Variants in TXLNA observed in about 807,000 individuals in gnomAD.
TXLNA encodes the protein alpha-taxilin.
A neutral mutation model predicts 61.4 loss-of-function variants in TXLNA; 9 were observed. The observed-to-expected ratio is 0.15, with a 90% CI of 0.09 to 0.26. The LOEUF is 0.26. Ranked by LOEUF, TXLNA falls within the 10% of genes least tolerant of loss-of-function variation. TXLNA has a pLI of 1.00. For synonymous variants in TXLNA, 257 were observed against 267.7 expected (o/e 0.96, Z 0.39); for missense variants, 565 against 688.8 (o/e 0.82, Z 2.01).
At chr1:32,180,934 C>T (rs898128521) in intron 2 of TXLNA, among the ~76,000 whole-genome samples, 3 of 152,178 alleles carry the variant, frequency 2.0e-5, no homozygotes, top group African/African-American at 7.2e-5. Context: ...GCTTTACATA[C>T]TTTTATGATC....
chr1:32,190,759 T>C (rs1388739005), intron 6 of TXLNA, among the ~76,000 whole-genome samples: 3 of 152,152 alleles, frequency 2.0e-5, no homozygotes, highest in Non-Finnish European at 4.4e-5. Flanking sequence ...CTCCAGAGAC[T>C]GTGTCCACTG....
At chr1:32,182,979 A>G (rs1642699467) in intron 3 of TXLNA, among the ~76,000 whole-genome samples, 1 of 151,464 alleles carries the variant, frequency 6.6e-6, no homozygotes, top group South Asian at 2.1e-4. Context: ...AGGCAGGAGA[A>G]TCACTTGAAC....
chr1:32,189,413 C>T (rs1347619921), intron 5 of TXLNA, among the ~76,000 whole-genome samples: 1 of 152,174 alleles, frequency 6.6e-6, no homozygotes, highest in African/African-American at 2.4e-5. Context: ...AGCTTGGTCT[C>T]TGGGGGTACA....
chr1:32,186,141 G>C (rs1642785327), intron 4 of TXLNA, among the ~76,000 whole-genome samples: 1 of 152,236 alleles, frequency 6.6e-6, no homozygotes, highest in Non-Finnish European at 1.5e-5. Flanking sequence ...GTATAAGGAA[G>C]ATAAGCACCC....
Position 32,181,661 on chromosome 1 carries a change from G to C in TXLNA, c.505+84G>C, listed in dbSNP as rs894271044. ...TCTCTGGGCCAGTCTGTTCTGCCAG[G>C]ATTCAAAGGAAAACGGTACTTCTCA... On this transcript the variant is annotated intron_variant, in intron 3 of 10. Coordinates refer to ENST00000373610, the MANE Select transcript of TXLNA (RefSeq NM_175852.4). 7.7e-6 allele frequency: 10 copies of C among 1,293,996 alleles called. No individual in the cohort carries two copies. The East Asian group carries it at 2.5e-4, about 33-fold the overall frequency. The allele number at this position is 1,293,996 out of a possible 1,614,324, so 80.2% of individuals were successfully genotyped here.
At position 32,195,431 on chromosome 1, in the gene TXLNA, G is replaced by A. The variant is rs1438384742; in HGVS notation, c.*236G>A. On this transcript the variant is annotated 3_prime_UTR_variant, in exon 11 of 11. Coordinates refer to ENST00000373610, the MANE Select transcript of TXLNA (RefSeq NM_175852.4). ...TACAGTGGGCTTGCATTGGGGATGG[G>A]GGTGTGTACAGATGAAGTCAGTGGC... 16 of 582,170 alleles carry A rather than the reference G, an allele frequency of 2.7e-5. No homozygotes were observed. Among genetic ancestry groups the A allele is most frequent in the Non-Finnish European group, 4.9e-5 (16 of 327,764 alleles). The allele number at this position is 582,170 out of a possible 1,614,324, so 36.1% of individuals were successfully genotyped here. A position where few individuals can be genotyped will look rare whatever the true frequency, so the allele number is the denominator to read the frequency against.
Position 32,187,966 on chromosome 1 carries a change from CG to C in TXLNA, c.612del (p.Asn205IlefsTer6). ...KKYAELLEEHRNSQKQMKLLQ... is the reference protein window; with the variant it reads ...KKYAELLEEHXNSQKQMKLLQ... ...TCCCTGTCCCCAGCTGGAGGAGCAC[CG>C]GAATTCACAGAAGCAGATGAAGCTC... On this transcript the variant is annotated frameshift_variant, in exon 5 of 11. Transcript: ENST00000373610. LOFTEE classifies it high-confidence loss of function. 1 of 1,613,704 alleles carries C rather than the reference CG, an allele frequency of 6.2e-7. No homozygotes were observed. Among genetic ancestry groups the C allele is most frequent in the Non-Finnish European group, 8.5e-7 (1 of 1,179,794 alleles).
In TXLNA at chr1:32,188,064, G is replaced by A. The variant is rs781516038; in HGVS notation, c.708G>A (p.Leu236=). ...GCGGTGAGCACAGCAAGGCCGTCCT[G>A]GCCCGCAGCAAGCTTGAGAGCCTAT... The part of the protein sequence containing the change: ...HLRGEHSKAV[L]ARSKLESLCR... The change falls in exon 5 of 11, where the codon CTG becomes CTA. Residue 236 remains leucine, a synonymous_variant. Coordinates refer to ENST00000373610, the MANE Select transcript of TXLNA (RefSeq NM_175852.4). The A allele has an allele frequency of 1.3e-6, 2 of 1,594,904 alleles. No homozygotes were observed. The highest frequency in any genetic ancestry group is 1.7e-6 in the Non-Finnish European group (2 of 1,170,660).
At chr1:32,191,657 C>T (rs976417779) in intron 6 of TXLNA, among the ~76,000 whole-genome samples, 20 of 152,214 alleles carry the variant, frequency 1.3e-4, no homozygotes, top group African/African-American at 4.8e-4. Flanking sequence ...CAGACAGACA[C>T]AGGCACCCTC....
rs192785560 is a variant in TXLNA at position 32,196,207 on chromosome 1, G to A, written c.*1012G>A. On this transcript the variant is annotated 3_prime_UTR_variant, in exon 11 of 11. Transcript: ENST00000373610. ...AAAGGAAAGGGCTTCTGATGGCTTT[G>A]CCACAAGCTTACCTGTGGGTTTCAG... is the stretch of plus-strand genomic sequence containing the variant. The A allele has an allele frequency of 3.3e-3, 513 of 153,792 alleles. 5 individuals are homozygous for A. Among genetic ancestry groups the A allele is most frequent in the Non-Finnish European group, 3.2e-3 (222 of 69,192 alleles). The allele number at this position is 153,792 out of a possible 1,614,324, so 9.5% of individuals were successfully genotyped here. A position where few individuals can be genotyped will look rare whatever the true frequency, so the allele number is the denominator to read the frequency against.
Position 32,196,543 on chromosome 1 carries a change from C to A in TXLNA, c.*1348C>A, listed in dbSNP as rs1228103405. 1 of 152,228 alleles carries A rather than the reference C, an allele frequency of 6.6e-6. No individual in the cohort carries two copies. Among genetic ancestry groups the A allele is most frequent in the African/African-American group, 2.4e-5 (1 of 41,418 alleles). 9.4% of individuals were successfully genotyped at this position (152,228 alleles called of 1,614,324 possible). The stretch of plus-strand genomic sequence containing the variant: ...AGTTGTTTCTGTGTCCTGTTCTACC[C>A]CCACTCCAGTACATAACTACTATGT... On this transcript the variant is annotated 3_prime_UTR_variant, in exon 11 of 11. Transcript: ENST00000373610.
chr1:32,180,611 G>A, intron 2 of TXLNA, 97 bp downstream of exon 2: 4 of 1,437,854 alleles, frequency 2.8e-6, no homozygotes, highest in African/African-American at 1.4e-5. Flanking sequence ...TGTCCGGGAG[G>A]AGGAGATGTA....
chr1:32,193,124 G>A, intron 8 of TXLNA, 84 bp from the exon 9 acceptor site: 1 of 841,498 alleles, frequency 1.2e-6, no homozygotes, highest in South Asian at 1.3e-5. Context: ...ACTGGTCAGA[G>A]AGTCAAGGAC....
chr1:32,187,542 A>G (rs1642813558), intron 4 of TXLNA, among the ~76,000 whole-genome samples: 1 of 152,138 alleles, frequency 6.6e-6, no homozygotes, highest in Non-Finnish European at 1.5e-5. Context: ...TAACGTTTTG[A>G]AGGAATGCGA....
At chr1:32,187,063 A>G (rs1302279449) in intron 4 of TXLNA, among the ~76,000 whole-genome samples, 1 of 151,662 alleles carries the variant, frequency 6.6e-6, no homozygotes, top group African/African-American at 2.4e-5. Context: ...CAAACTGGCT[A>G]CTTTTTTGTA....
chr1:32,180,604 C>T lies in TXLNA; in HGVS notation c.169+90C>T. On this transcript the variant is annotated intron_variant, in intron 2 of 10. Transcript: ENST00000373610. The stretch of plus-strand genomic sequence containing the variant: ...GACTTACAGGCCGAGGCCAGGTTGT[C>T]CGGGAGGAGGAGATGTAGAATGAGA... 2.1e-6 allele frequency: 3 copies of T among 1,451,358 alleles called. No individual in the cohort carries two copies. The South Asian group carries it at 4.2e-5, about 20-fold the overall frequency. 89.9% of individuals were successfully genotyped at this position (1,451,358 alleles called of 1,614,324 possible). A position where few individuals can be genotyped will look rare whatever the true frequency, so the allele number is the denominator to read the frequency against.
chr1:32,180,618 T>A (rs1642633943), intron 2 of TXLNA, 104 bp downstream of exon 2: 13 of 1,414,274 alleles, frequency 9.2e-6, no homozygotes, highest in South Asian at 2.9e-5. Context: ...GAGGAGGAGA[T>A]GTAGAATGAG....
At chr1:32,186,183 T>G (rs1045023626) in intron 4 of TXLNA, among the ~76,000 whole-genome samples, 3 of 152,180 alleles carry the variant, frequency 2.0e-5, no homozygotes, top group African/African-American at 7.2e-5. Context: ...GGAAAATTGC[T>G]GATGCAAGAG....
rs143892523 is a variant in TXLNA at position 32,190,111 on chromosome 1, G to A, written c.825G>A (p.Ser275=). The part of the protein sequence containing the change: ...EEEEKRKEVT[S]HFQVTLNDIQ... ...AGGAGAAGCGCAAGGAGGTGACCTCGCACTTCCAGGTGACACTGAATGACA... is the reference window on the plus strand; with the variant it reads ...AGGAGAAGCGCAAGGAGGTGACCTCACACTTCCAGGTGACACTGAATGACA... The change falls in exon 6 of 11, where the codon TCG becomes TCA. Residue 275 remains serine (S), a synonymous_variant. Coordinates refer to ENST00000373610, the MANE Select transcript of TXLNA (RefSeq NM_175852.4). 9.4e-5 allele frequency: 150 copies of A among 1,592,974 alleles called. No homozygotes were observed. Among genetic ancestry groups the A allele is most frequent in the Admixed American group, 5.3e-5 (3 of 56,110 alleles).
Sources: gnomAD v4.1 joint callset for allele counts (sites outside exome capture counted in the v4.1 genomes callset) on GRCh38, gnomAD v4.1.1 for gene constraint, MANE v1.5 for transcripts, NCBI Gene and HGNC (gene_info 2026-07-23, HGNC 2026-07-21) for gene names.